The following PCDHGA11 variants were observed in gnomAD, a reference collection of about 807,000 sequenced individuals.
PCDHGA11 encodes protocadherin gamma subfamily A, 11.
A neutral mutation model predicts 60.4 loss-of-function variants in PCDHGA11; 39 were observed. The observed-to-expected ratio is 0.65, with a 90% confidence interval of 0.50 to 0.84. The LOEUF is 0.84. PCDHGA11 is among the 40% of genes least tolerant of loss of function. The pLI, the probability that PCDHGA11 is intolerant of heterozygous loss-of-function variation, is 0.00. For missense variants in PCDHGA11, 1,165 were observed against 1,197.7 expected (o/e 0.97, Z 0.40); for synonymous variants, 533 against 510.3 (o/e 1.04, Z -0.60).
rs1390567548 is a variant in PCDHGA11, at chr5:141,423,082, G to T, written c.1855G>T (p.Ala619Ser). The change falls in exon 1 of 4, where the codon GCG (alanine) becomes TCG (serine). Residue 619 changes from alanine to serine, a missense_variant. Ala to Ser is a moderately conservative substitution (Grantham distance 99). Transcript: ENST00000398587. ...LLKASEPGLF[A>S]VGEHTGEVRT... ...TAAGGCCAGCGAGCCGGGACTCTTC[G>T]CGGTGGGGGAGCACACGGGCGAGGT... 1.9e-6 allele frequency: 3 copies of T among 1,614,078 alleles called. No homozygotes were observed. Among genetic ancestry groups the T allele is most frequent in the Non-Finnish European group, 2.5e-6 (3 of 1,180,022 alleles).
At chr5:141,465,284 A>C (rs2099100147) in intron 1 of PCDHGA11, among the ~76,000 whole-genome samples, 1 of 152,176 alleles carries the variant, frequency 6.6e-6, no homozygotes, top group African/African-American at 2.4e-5. Flanking sequence ...TTCACCCCTA[A>C]AGAACTGAGA....
rs148558897 is a variant in PCDHGA11, at chr5:141,489,890, G to A, written c.2434-4917G>A. On this transcript the variant is annotated intron_variant, in intron 1 of 3. Coordinates refer to ENST00000398587, the MANE Select transcript of PCDHGA11 (RefSeq NM_018914.3). The surrounding 1 kb of genome is among the most constrained non-coding windows in gnomAD (Gnocchi z 4.5). Reference sequence around the variant, plus strand: ...CAGCTGGTGCTTACTGCTGTGGATGGGGGGACCCCAGCCCGCTCAGGGACC... The same window carrying A: ...CAGCTGGTGCTTACTGCTGTGGATGAGGGGACCCCAGCCCGCTCAGGGACC... 6.2e-7 allele frequency: 1 copy of A among 1,614,198 alleles called. No homozygotes were observed. The highest frequency in any genetic ancestry group is 8.5e-7 in the Non-Finnish European group (1 of 1,180,028).
chr5:141,421,833 C>A lies in PCDHGA11; in HGVS notation c.606C>A (p.Asp202Glu). ...AGCTAGTACTGGAGGGAAGCCTGGA[C>A]CGAGAGAAAGAGGCTGCTCACCTGC... is the stretch of plus-strand genomic sequence containing the variant. ...NPELVLEGSL[D>E]REKEAAHLLL... is the part of the protein sequence containing the mutation. The change falls in exon 1 of 4, where the codon GAC becomes GAA. Residue 202 changes from aspartate to glutamate, a missense_variant. Coordinates refer to ENST00000398587, the MANE Select transcript of PCDHGA11 (RefSeq NM_018914.3). 6.2e-7 allele frequency: 1 copy of A among 1,613,756 alleles called. No individual in the cohort carries two copies. Among genetic ancestry groups the A allele is most frequent in the South Asian group, 1.1e-5 (1 of 91,076 alleles).
At chr5:141,479,120 A>T (rs1278879959) in intron 1 of PCDHGA11, among the ~76,000 whole-genome samples, 1 of 152,232 alleles carries the variant, frequency 6.6e-6, no homozygotes, top group Non-Finnish European at 1.5e-5. Context: ...TTCTACTGGA[A>T]ATGATGTGCA....
chr5:141,423,460 G>A lies in PCDHGA11; in HGVS notation c.2233G>A (p.Asp745Asn). The change falls in exon 1 of 4, where the codon GAC (aspartate) becomes AAC (asparagine). Residue 745 changes from aspartate (D) to asparagine (N), a missense_variant. Transcript: ENST00000398587. ...GCCCACGTCACATTTTGTAGGCGTGGACGGGGTACAGGCTTTCCTGCAAAC... is the reference window on the plus strand; with the variant it reads ...GCCCACGTCACATTTTGTAGGCGTGAACGGGGTACAGGCTTTCCTGCAAAC... ...GMPTSHFVGV[D>N]GVQAFLQTYS... is the part of the protein sequence containing the mutation. 6.2e-7 allele frequency: 1 copy of A among 1,614,046 alleles called. No homozygotes were observed. The highest frequency in any genetic ancestry group is 8.5e-7 in the Non-Finnish European group (1 of 1,179,962).
chr5:141,465,532 C>T (rs1175698109), intron 1 of PCDHGA11, among the ~76,000 whole-genome samples: 1 of 152,138 alleles, frequency 6.6e-6, no homozygotes, highest in Non-Finnish European at 1.5e-5. Flanking sequence ...GGAAGTTTTC[C>T]CAGGCATTTT....
intron 1 of PCDHGA11, chr5:141,430,780 C>T: frequency 6.6e-7 from 1 of 1,511,476 alleles, no homozygotes; most frequent in Non-Finnish European, 8.8e-7. Flanking sequence ...CGCGACTGCA[C>T]CGGGACTACA....
intron 3 of PCDHGA11, chr5:141,507,424 G>C (rs577364087): frequency 6.6e-6 from 1 of 152,202 alleles, no homozygotes; most frequent in African/African-American, 2.4e-5. Context: ...GGTTAAGTGG[G>C]GCCAGGCCTA....
rs1040028231 is a variant in PCDHGA11, at chr5:141,485,542, C to T, written c.2434-9265C>T. 6.8e-6 allele frequency: 11 copies of T among 1,613,900 alleles called. No individual in the cohort carries two copies. Among genetic ancestry groups the T allele is most frequent in the Admixed American group, 6.7e-5 (4 of 59,996 alleles). On this transcript the variant is annotated intron_variant, in intron 1 of 3. Coordinates refer to ENST00000398587, the MANE Select transcript of PCDHGA11 (RefSeq NM_018914.3). The surrounding 1 kb of genome is among the most constrained non-coding windows in gnomAD (Gnocchi z 5.7). ...AAATGTACCGAGCAGAGGTAGAGAT[C>T]GTAGATGTGAATGATCACGCCCCCC...
chr5:141,435,396 G>A (rs562717014), intron 1 of PCDHGA11, among the ~76,000 whole-genome samples: 46 of 152,096 alleles, frequency 3.0e-4, no homozygotes, highest in African/African-American at 9.4e-4. Context: ...TTGCCATGAC[G>A]AAAAATGGTA....
intron 2 of PCDHGA11, among the ~76,000 whole-genome samples, chr5:141,496,013 T>C (rs2154591828): frequency 6.6e-6 from 1 of 152,134 alleles, no homozygotes; most frequent in East Asian, 1.9e-4. Flanking sequence ...CTTGTCTTTT[T>C]TCTCTGAGCC....
At chr5:141,454,964 C>T (rs1283179107) in intron 1 of PCDHGA11, among the ~76,000 whole-genome samples, 10 of 151,622 alleles carry the variant, frequency 6.6e-5, no homozygotes, top group African/African-American at 2.4e-4. Flanking sequence ...CCGGCCACCA[C>T]GCCTGGCTAA....
chr5:141,511,084 C>G lies in PCDHGA11; in HGVS notation c.2719C>G (p.Leu907Val). 1 of 1,614,236 alleles carries G rather than the reference C, an allele frequency of 6.2e-7. No homozygotes were observed. Among genetic ancestry groups the G allele is most frequent in the Non-Finnish European group, 8.5e-7 (1 of 1,180,030 alleles). The change falls in exon 4 of 4, where the codon CTG becomes GTG. Residue 907 changes from leucine (L) to valine (V), a missense_variant. Leu to Val is a conservative substitution (Grantham distance 32). Coordinates refer to ENST00000398587, the MANE Select transcript of PCDHGA11 (RefSeq NM_018914.3). Reference sequence around the variant, plus strand: ...CTACATCCCAGGCAGCAATGCCACACTGACCAACGCAGCTGGCAAGCGGGA... The same window carrying G: ...CTACATCCCAGGCAGCAATGCCACAGTGACCAACGCAGCTGGCAAGCGGGA... ...NVYIPGSNAT[L>V]TNAAGKRDGK...
chr5:141,450,838 T>A (rs2098698352), intron 1 of PCDHGA11, among the ~76,000 whole-genome samples: 1 of 149,278 alleles, frequency 6.7e-6, no homozygotes, highest in African/African-American at 2.5e-5. Flanking sequence ...TATTTTTTTT[T>A]TTTTGAGATG....
chr5:141,469,370 A>T (rs1453825795), intron 1 of PCDHGA11, among the ~76,000 whole-genome samples: 1 of 152,106 alleles, frequency 6.6e-6, no homozygotes, highest in Non-Finnish European at 1.5e-5. Flanking sequence ...AGGTAAAGAG[A>T]TCGAGACCAT....
At chr5:141,478,524 C>T in intron 1 of PCDHGA11, 1 of 1,609,844 alleles carries the variant, frequency 6.2e-7, no homozygotes, top group Non-Finnish European at 8.5e-7. Flanking sequence ...GTGTTGGGTG[C>T]AGAGAGCGCC....
chr5:141,505,616 C>A, intron 3 of PCDHGA11, 135 bp downstream of exon 3: 1 of 1,503,160 alleles, frequency 6.7e-7, no homozygotes. Flanking sequence ...CTGAAAGGAC[C>A]CACAATTCCA....
chr5:141,490,374 C>T lies in PCDHGA11; in HGVS notation c.2434-4433C>T, dbSNP rs1452417604. 1.2e-6 allele frequency: 2 copies of T among 1,614,082 alleles called. No homozygotes were observed. Among genetic ancestry groups the T allele is most frequent in the Middle Eastern group, 1.6e-4 (1 of 6,084 alleles). ...GGTTGTTTAATGTGCGAGACCGGGA[C>T]TCAGGTAGAAATGGTGAAGTGAGCC... On this transcript the variant is annotated intron_variant, in intron 1 of 3. Coordinates refer to ENST00000398587, the MANE Select transcript of PCDHGA11 (RefSeq NM_018914.3). This position sits in a 1 kb window ranked among gnomAD's most constrained non-coding sequence, Gnocchi z 5.4.
intron 1 of PCDHGA11, chr5:141,478,287 G>A (rs777542913): frequency 3.7e-6 from 6 of 1,614,154 alleles, no homozygotes; most frequent in Non-Finnish European, 5.1e-6. Flanking sequence ...AAGCAGTCTA[G>A]AGACCTATAC....
Sources: allele counts gnomAD v4.1 joint callset (sites outside exome capture counted in the v4.1 genomes callset), GRCh38; gene constraint gnomAD v4.1.1; non-coding constraint Gnocchi (gnomAD v3.1); transcripts MANE v1.5; gene names NCBI Gene and HGNC (gene_info 2026-07-23, HGNC 2026-07-21).